DDN: variants seen among roughly 807,000 people sequenced by gnomAD.
DDN encodes dendrin.
Under a neutral mutation model 7.3 loss-of-function variants are expected in DDN, and 4 were observed. The observed-to-expected ratio is 0.55, with a 90% CI of 0.27 to 1.25. The LOEUF is 1.25. Ranked by LOEUF, DDN falls within the 50% of genes most tolerant of loss-of-function variation. The pLI, the probability that DDN is intolerant of heterozygous loss-of-function variation, is 0.12. For missense variants in DDN, 933 were observed against 974.7 expected (o/e 0.96, Z 0.57); for synonymous variants, 425 against 424.3 (o/e 1.00, Z -0.02).
Position 48,996,922 on chromosome 12 carries a change from A to T in DDN, c.1954T>A (p.Ser652Thr). The change falls in exon 2 of 2, where the codon TCC becomes ACC. Residue 652 changes from serine to threonine, a missense_variant. By Grantham distance (58) the Ser-to-Thr change is moderately conservative (BLOSUM62 1). Transcript: ENST00000421952. The part of the protein sequence containing the change: ...DGSDTEAPGA[S>T]WRNERTLPEV... ...GGCAGGGTCCTCTCATTCCGCCAGG[A>T]GGCGCCCGGGGCTTCTGTGTCGCTT... 6.2e-7 allele frequency: 1 copy of T among 1,606,676 alleles called. No individual in the cohort carries two copies. The highest frequency in any genetic ancestry group is 8.5e-7 in the Non-Finnish European group (1 of 1,176,234).
At position 48,998,172 on chromosome 12, in the gene DDN, C is replaced by T; in HGVS notation, c.704G>A (p.Gly235Asp). 5.6e-6 allele frequency: 9 copies of T among 1,612,880 alleles called. No homozygotes were observed. Among genetic ancestry groups the T allele is most frequent in the Non-Finnish European group, 7.6e-6 (9 of 1,179,694 alleles). The change falls in exon 2 of 2, where the codon GGC becomes GAC. Residue 235 changes from glycine (G) to aspartate (D), a missense_variant. Coordinates refer to ENST00000421952, the MANE Select transcript of DDN (RefSeq NM_015086.2). ...CTTAGTCCCCAAGGTCCTATGGGGG[C>T]CTTCGTAAGAAGGTGGAGCCACGTA... ...PPYVAPPSYE[G>D]PHRTLGTKRG...
Position 48,996,687 on chromosome 12 carries a change from C to G in DDN, c.*53G>C, listed in dbSNP as rs1470987786. On this transcript the variant is annotated 3_prime_UTR_variant, in exon 2 of 2. Coordinates refer to ENST00000421952, the MANE Select transcript of DDN (RefSeq NM_015086.2). ...GGAAGTCTGTGGGGAAGAATGGGGA[C>G]CAGTGGACCCAAGGATGGATGCGTT... The G allele has an allele frequency of 6.3e-7, 1 of 1,580,018 alleles. No individual in the cohort carries two copies. The highest frequency in any genetic ancestry group is 8.6e-7 in the Non-Finnish European group (1 of 1,160,104).
rs1565727838 is a variant in DDN, at chr12:48,998,428, C to T, written c.448G>A (p.Ala150Thr). ...PGRPRPEPRN[A>T]PRVAQLAGLP... is the part of the protein sequence containing the mutation. ...CCTGCCAGCTGGGCCACCCGAGGGGCGTTGCGGGGCTCCGGGCGGGGTCGA... is the reference window on the plus strand; with the variant it reads ...CCTGCCAGCTGGGCCACCCGAGGGGTGTTGCGGGGCTCCGGGCGGGGTCGA... Residue 150 changes from alanine to threonine, a missense_variant, in exon 2 of 2, where the codon GCC becomes ACC. Physicochemically the swap from Ala to Thr is moderately conservative, Grantham distance 58. Coordinates refer to ENST00000421952, the MANE Select transcript of DDN (RefSeq NM_015086.2). 5.9e-6 allele frequency: 9 copies of T among 1,514,716 alleles called. No homozygotes were observed. The highest frequency in any genetic ancestry group is 7.9e-6 in the Non-Finnish European group (9 of 1,141,274). 93.8% of individuals were successfully genotyped at this position (1,514,716 alleles called of 1,614,324 possible).
At position 48,998,238 on chromosome 12, in the gene DDN, G is replaced by A. The variant is rs1941243647; in HGVS notation, c.638C>T (p.Ala213Val). 1 of 1,612,292 alleles carries A rather than the reference G, an allele frequency of 6.2e-7. No individual in the cohort carries two copies. Among genetic ancestry groups the A allele is most frequent in the East Asian group, 2.2e-5 (1 of 44,864 alleles). ...YEAHLLLRGSAGTAPRRRWDR... is the reference protein window; with the variant it reads ...YEAHLLLRGSVGTAPRRRWDR... ...CCAGCGGCGTCGTGGGGCGGTCCCG[G>A]CAGAACCTCTCAGCAGCAGGTGAGC... The change falls in exon 2 of 2, where the codon GCC (alanine) becomes GTC (valine). Residue 213 changes from alanine (A) to valine (V), a missense_variant. Coordinates refer to ENST00000421952, the MANE Select transcript of DDN (RefSeq NM_015086.2).
In DDN at chr12:48,999,291, G is replaced by GGGCCCCCCC; in HGVS notation, c.-5_-4insGGGGGGGCC. The GGGCCCCCCC allele has an allele frequency of 6.6e-7, 1 of 1,510,106 alleles. No individual in the cohort carries two copies. Among genetic ancestry groups the GGGCCCCCCC allele is most frequent in the Non-Finnish European group, 8.9e-7 (1 of 1,125,614 alleles). 93.5% of individuals were successfully genotyped at this position (1,510,106 alleles called of 1,614,324 possible). A position where few individuals can be genotyped will look rare whatever the true frequency, so the allele number is the denominator to read the frequency against. On this transcript the variant is annotated 5_prime_UTR_variant, in exon 1 of 2. Coordinates refer to ENST00000421952, the MANE Select transcript of DDN (RefSeq NM_015086.2). ...AGAACAGTGGGCCATCCAGCATCCT[G>GGGCCCCCCC]CCCCACCCCACCCCGGCCCCCCACC...
rs760068418 is a variant in DDN, at chr12:48,997,125, G to A, written c.1751C>T (p.Ala584Val). Residue 584 changes from alanine to valine, a missense_variant, in exon 2 of 2, where the codon GCC becomes GTC. Transcript: ENST00000421952. ...GACCACCGCCACTTCCGACCCCTCG[G>A]CTCTGCCCTGGGCTCCCGAAGCTGC... Reference protein sequence around the residue: ...GPAASGAQGRAEGSEVAVVQR... With the variant: ...GPAASGAQGRVEGSEVAVVQR... The A allele has an allele frequency of 3.3e-6, 5 of 1,528,092 alleles. No individual in the cohort carries two copies. The highest frequency in any genetic ancestry group is 4.4e-6 in the Non-Finnish European group (5 of 1,143,794). 94.7% of individuals were successfully genotyped at this position (1,528,092 alleles called of 1,614,324 possible).
In DDN at chr12:48,997,007, G is replaced by C; in HGVS notation, c.1869C>G (p.Ala623=). 1 of 1,568,790 alleles carries C rather than the reference G, an allele frequency of 6.4e-7. No individual in the cohort carries two copies. The change falls in exon 2 of 2, where the codon GCC becomes GCG. Residue 623 remains alanine, a synonymous_variant. Transcript: ENST00000421952. ...EAVSRIRRHT[A]PDSDTDEAEE... ...CAGCTTCGTCCGTGTCCGAGTCAGG[G>C]GCTGTGTGGCGGCGGATACGGGACA...
At position 48,997,881 on chromosome 12, in the gene DDN, T is replaced by A. The variant is rs751109698; in HGVS notation, c.995A>T (p.His332Leu). Reference protein sequence around the residue: ...AADLNSGSDSHPQAKATGSAG... With the variant: ...AADLNSGSDSLPQAKATGSAG... ...GCTCCCTGTAGCTTTGGCTTGGGGA[T>A]GGCTGTCGCTACCACTGTTCAGGTC... Residue 332 changes from histidine to leucine, a missense_variant, in exon 2 of 2, where the codon CAT becomes CTT. By Grantham distance (99) the His-to-Leu change is moderately conservative (BLOSUM62 -3). Coordinates refer to ENST00000421952, the MANE Select transcript of DDN (RefSeq NM_015086.2). 1.2e-5 allele frequency: 20 copies of A among 1,612,724 alleles called. 1 individual carries two copies. In the South Asian group the frequency reaches 2.1e-4, roughly 17 times the overall value.
Position 48,997,050 on chromosome 12 carries a change from C to G in DDN, c.1826G>C (p.Gly609Ala). The change falls in exon 2 of 2, where the codon GGG becomes GCG. Residue 609 changes from glycine (G) to alanine (A), a missense_variant. Physicochemically the swap from Gly to Ala is moderately conservative, Grantham distance 60. Coordinates refer to ENST00000421952, the MANE Select transcript of DDN (RefSeq NM_015086.2). ...ACGGGACACGGCTTCTCGCAGGGCC[C>G]CGGCGTAGGGCCCTGGGGTCCGCGC... Reference protein sequence around the residue: ...GWARTPGPYAGALREAVSRIR... With the variant: ...GWARTPGPYAAALREAVSRIR... The G allele has an allele frequency of 6.4e-7, 1 of 1,552,732 alleles. No homozygotes were observed. Among genetic ancestry groups the G allele is most frequent in the Non-Finnish European group, 8.7e-7 (1 of 1,153,280 alleles).
chr12:48,996,496 G>T lies in DDN; in HGVS notation c.*244C>A. The T allele has an allele frequency of 1.8e-6, 1 of 568,402 alleles. No individual in the cohort carries two copies. The highest frequency in any genetic ancestry group is 2.9e-6 in the Non-Finnish European group (1 of 349,646). 35.2% of individuals were successfully genotyped at this position (568,402 alleles called of 1,614,324 possible). On this transcript the variant is annotated 3_prime_UTR_variant, in exon 2 of 2. Transcript: ENST00000421952. ...CCACACCCAGTGCATCAGCCCCTGC[G>T]AAGAGCTCACCCTTGTGCCCTGAAC...
intron 1 of DDN, 51 bp from the exon 2 acceptor site, chr12:48,998,717 C>T: frequency 1.4e-6 from 2 of 1,440,198 alleles, no homozygotes; most frequent in African/African-American, 2.9e-5. Context: ...GGAAGGGAGC[C>T]GAGGTCCGGG....
In DDN at chr12:48,997,862, T is replaced by C. The variant is rs1941234770; in HGVS notation, c.1014A>G (p.Thr338=). The change falls in exon 2 of 2, where the codon ACA becomes ACG. Residue 338 remains threonine, a synonymous_variant. Coordinates refer to ENST00000421952, the MANE Select transcript of DDN (RefSeq NM_015086.2). ...GSDSHPQAKA[T]GSAGTEIAPA... is the part of the protein sequence containing the mutation. ...GAGCTATCTCGGTGCCTGCGCTCCC[T>C]GTAGCTTTGGCTTGGGGATGGCTGT... 6.2e-7 allele frequency: 1 copy of C among 1,613,298 alleles called. No homozygotes were observed. Among genetic ancestry groups the C allele is most frequent in the Non-Finnish European group, 8.5e-7 (1 of 1,179,998 alleles).
Position 48,997,420 on chromosome 12 carries a change from C to CCA in DDN, c.1454_1455dup (p.Val486TrpfsTer72). The CCA allele has an allele frequency of 6.2e-7, 1 of 1,614,004 alleles. No homozygotes were observed. The highest frequency in any genetic ancestry group is 8.5e-7 in the Non-Finnish European group (1 of 1,180,016). On this transcript the variant is annotated frameshift_variant, in exon 2 of 2. Coordinates refer to ENST00000421952, the MANE Select transcript of DDN (RefSeq NM_015086.2). LOFTEE classifies it low-confidence loss of function (END_TRUNC). ...TTCGATTGGCTGGGGGAATCCCCCA[C>CCA]CACGCGTGTCACCCCAGAGGGCAAA...
rs1038162195 is a variant in DDN at position 48,996,902 on chromosome 12, G to C, written c.1974C>G (p.Thr658=). Residue 658 remains threonine, a synonymous_variant, in exon 2 of 2, where the codon ACC becomes ACG. Coordinates refer to ENST00000421952, the MANE Select transcript of DDN (RefSeq NM_015086.2). ...GCGAACTGTTTCCAACCTCGGGCAG[G>C]GTCCTCTCATTCCGCCAGGAGGCGC... ...APGASWRNER[T]LPEVGNSSPE... 2 of 1,613,090 alleles carry C rather than the reference G, an allele frequency of 1.2e-6. No homozygotes were observed. Among genetic ancestry groups the C allele is most frequent in the East Asian group, 4.5e-5 (2 of 44,856 alleles).
rs1301809962 is a variant in DDN, at chr12:48,995,595, C to CT, written c.*1144dup. 6.6e-6 allele frequency: 1 copy of CT among 152,324 alleles called. No homozygotes were observed. Among genetic ancestry groups the CT allele is most frequent in the African/African-American group, 2.4e-5 (1 of 41,460 alleles). 9.4% of individuals were successfully genotyped at this position (152,324 alleles called of 1,614,324 possible). On this transcript the variant is annotated 3_prime_UTR_variant, in exon 2 of 2. Transcript: ENST00000421952. ...GGGAGATCCGCGACCTGCGCGCGCC[C>CT]TGTAGTGGCTATAGAGAGTATCACA...
rs995032863 is a variant in DDN at position 48,998,643 on chromosome 12, G to T, written c.233C>A (p.Pro78Gln). 2 of 1,528,246 alleles carry T rather than the reference G, an allele frequency of 1.3e-6. No homozygotes were observed. Among genetic ancestry groups the T allele is most frequent in the South Asian group, 1.2e-5 (1 of 81,940 alleles). 94.7% of individuals were successfully genotyped at this position (1,528,246 alleles called of 1,614,324 possible). Residue 78 changes from proline (P) to glutamine (Q), a missense_variant, in exon 2 of 2, where the codon CCA (proline) becomes CAA (glutamine). Transcript: ENST00000421952. ...NRTCGPRPGS[P>Q]QPPPRRPWAS... ...CCAGGGCCGGCGGGGCGGCGGCTGTGGGGATCCCGGGCGCGGCCCACACCT... is the reference window on the plus strand; with the variant it reads ...CCAGGGCCGGCGGGGCGGCGGCTGTTGGGATCCCGGGCGCGGCCCACACCT...
rs1288119481 is a variant in DDN at position 48,998,612 on chromosome 12, G to A, written c.264C>T (p.Ser88=). The A allele has an allele frequency of 1.3e-6, 2 of 1,573,198 alleles. No homozygotes were observed. Among genetic ancestry groups the A allele is most frequent in the Non-Finnish European group, 1.7e-6 (2 of 1,168,348 alleles). The change falls in exon 2 of 2, where the codon TCC becomes TCT. Residue 88 remains serine, a synonymous_variant. Coordinates refer to ENST00000421952, the MANE Select transcript of DDN (RefSeq NM_015086.2). ...PQPPPRRPWA[S]RVLQEATNWR... ...AGTTGGTCGCCTCCTGCAGCACCCT[G>A]GAGGCCCAGGGCCGGCGGGGCGGCG...
At position 48,995,519 on chromosome 12, in the gene DDN, C is replaced by T. The variant is rs1941191373; in HGVS notation, c.*1221G>A. 1 of 152,376 alleles carries T rather than the reference C, an allele frequency of 6.6e-6. No homozygotes were observed. The highest frequency in any genetic ancestry group is 1.5e-5 in the Non-Finnish European group (1 of 68,162). 9.4% of individuals were successfully genotyped at this position (152,376 alleles called of 1,614,324 possible). On this transcript the variant is annotated 3_prime_UTR_variant, in exon 2 of 2. Coordinates refer to ENST00000421952, the MANE Select transcript of DDN (RefSeq NM_015086.2). ...TGGAGACTGCAAGGCGGGGGACCCG[C>T]GCTCGGGAACTAGGGATAGGATTGA...
Position 48,997,425 on chromosome 12 carries a change from C to T in DDN, c.1451G>A (p.Arg484His), listed in dbSNP as rs199656761. ...QVQLLPSGVT[R>H]VVGDSPSQSK... The stretch of plus-strand genomic sequence containing the variant: ...TTGGCTGGGGGAATCCCCCACCACG[C>T]GTGTCACCCCAGAGGGCAAAAGCTG... The change falls in exon 2 of 2, where the codon CGC becomes CAC. Residue 484 changes from arginine (R) to histidine (H), a missense_variant. Physicochemically the swap from Arg to His is conservative, Grantham distance 29. Coordinates refer to ENST00000421952, the MANE Select transcript of DDN (RefSeq NM_015086.2). The T allele has an allele frequency of 6.2e-7, 1 of 1,614,026 alleles. No individual in the cohort carries two copies. Among genetic ancestry groups the T allele is most frequent in the Non-Finnish European group, 8.5e-7 (1 of 1,180,020 alleles).
Sources: allele counts gnomAD v4.1 joint callset, GRCh38; gene constraint gnomAD v4.1.1; transcripts MANE v1.5; gene names NCBI Gene and HGNC (gene_info 2026-07-23, HGNC 2026-07-21).